The following MYO3B variants were observed in gnomAD, a reference collection of about 807,000 sequenced individuals.
MYO3B encodes myosin IIIB.
Under a neutral mutation model 174.6 loss-of-function variants are expected in MYO3B, and 156 were observed. The ratio of observed to expected loss-of-function variants is 0.89; its 90% confidence interval spans 0.78 to 1.02. MYO3B has a LOEUF of 1.02. Among genes scored for constraint, MYO3B ranks in the 50% least tolerant of loss-of-function variants. The probability of loss-of-function intolerance (pLI) is 0.00; values close to 1 mark genes in which losing one functional copy is unlikely to be tolerated. For synonymous variants in MYO3B, 563 were observed against 569.1 expected (o/e 0.99, Z 0.15); for missense variants, 1,632 against 1,639.4 (o/e 1.00, Z 0.08).
intron 23 of MYO3B, among the ~76,000 whole-genome samples, chr2:170,462,422 A>G (rs1185516486): frequency 6.6e-6 from 1 of 152,130 alleles, no homozygotes; most frequent in Non-Finnish European, 1.5e-5. Flanking sequence ...AGTCTCCCAC[A>G]TACTCCTTTA....
intron 7 of MYO3B, among the ~76,000 whole-genome samples, chr2:170,254,110 C>G (rs2105336207): frequency 6.6e-6 from 1 of 152,198 alleles, no homozygotes; most frequent in South Asian, 2.1e-4. Flanking sequence ...CGACCAGCTC[C>G]TGGTACTGAA....
intron 8 of MYO3B, chr2:170,340,535 A>G (rs1475567480): frequency 6.6e-6 from 1 of 152,248 alleles, no homozygotes; most frequent in East Asian, 1.9e-4. Flanking sequence ...GAACAAATTT[A>G]TTTAATGTAA....
chr2:170,393,031 T>C (rs2105771961), intron 16 of MYO3B, among the ~76,000 whole-genome samples: 1 of 151,980 alleles, frequency 6.6e-6, no homozygotes, highest in South Asian at 2.1e-4. Flanking sequence ...GTTATTTCCT[T>C]CTCCAGGGTA....
chr2:170,401,796 C>CTTTTTTTTTTTTTTTTTTTTTTT lies in MYO3B; in HGVS notation c.2129+110_2129+111insTTTTTTTTTTTTTTTTTTTTTTT, dbSNP rs1268110549. ...TTTGGTCCTCTCTGGGATTTTCTTT[C>CTTTTTTTTTTTTTTTTTTTTTTT]TTTTTCTTTTTTTTTTTTTTTGTGG... is the stretch of plus-strand genomic sequence containing the variant. On this transcript the variant is annotated intron_variant, in intron 18 of 34. Coordinates refer to ENST00000408978, the MANE Select transcript of MYO3B (RefSeq NM_138995.5). The CTTTTTTTTTTTTTTTTTTTTTTT allele has an allele frequency of 6.3e-6, 5 of 791,878 alleles. No homozygotes were observed. The African/African-American group carries it at 9.4e-5, about 15-fold the overall frequency. The allele number at this position is 791,878 out of a possible 1,614,324, so 49.1% of individuals were successfully genotyped here. A position where few individuals can be genotyped will look rare whatever the true frequency, so the allele number is the denominator to read the frequency against.
chr2:170,326,706 C>T (rs940659801), intron 7 of MYO3B, among the ~76,000 whole-genome samples: 10 of 152,174 alleles, frequency 6.6e-5, no homozygotes, highest in Non-Finnish European at 4.4e-5. Context: ...GGGAAAGGTA[C>T]CCCAATGTGC....
At chr2:170,266,625 T>G (rs1192525731) in intron 7 of MYO3B, among the ~76,000 whole-genome samples, 2 of 152,168 alleles carry the variant, frequency 1.3e-5, no homozygotes, top group Non-Finnish European at 2.9e-5. Context: ...GAGAAGGAAG[T>G]TCCAGGTTCT....
intron 7 of MYO3B, among the ~76,000 whole-genome samples, chr2:170,254,094 G>A (rs1477350552): frequency 6.6e-6 from 1 of 152,118 alleles, no homozygotes; most frequent in Non-Finnish European, 1.5e-5. Context: ...GAGTCACTGA[G>A]CACCACGACC....
chr2:170,651,830 C>G, intron 33 of MYO3B, 96 bp downstream of exon 33: 1 of 885,550 alleles, frequency 1.1e-6, no homozygotes, highest in South Asian at 1.4e-5. Context: ...AGCCCCACCC[C>G]CACCCTCATG....
At chr2:170,499,949 T>C (rs1398650882) in intron 27 of MYO3B, 141 bp downstream of exon 27, 2 of 661,534 alleles carry the variant, frequency 3.0e-6, no homozygotes, top group Non-Finnish European at 4.9e-6. Context: ...CTTCCTTCCT[T>C]CTTTCCTTCC....
Position 170,653,022 on chromosome 2 carries a change from ATC to A in MYO3B, c.3931_3932del (p.Leu1311ValfsTer8), listed in dbSNP as rs765615919. 1.1e-5 allele frequency: 17 copies of A among 1,614,040 alleles called. No individual in the cohort carries two copies. The highest frequency in any genetic ancestry group is 1.4e-5 in the Non-Finnish European group (17 of 1,180,046). ...VLDGEDEYYK[S>X]LSPVDCIPEE... ...TTGATGGGGAAGATGAATATTACAA[ATC>A]TCTGTCACCAGTGGACTGTATCCCT... On this transcript the variant is annotated frameshift_variant, in exon 35 of 35. Transcript: ENST00000408978. LOFTEE classifies it high-confidence loss of function.
chr2:170,382,217 T>A, intron 10 of MYO3B, 105 bp downstream of exon 10: 2 of 893,962 alleles, frequency 2.2e-6, no homozygotes, highest in Non-Finnish European at 3.6e-6. Flanking sequence ...TTTGAAAATT[T>A]AATTGTTTGT....
At chr2:170,607,355 C>T (rs1490367607) in intron 32 of MYO3B, among the ~76,000 whole-genome samples, 1 of 152,248 alleles carries the variant, frequency 6.6e-6, no homozygotes, top group Non-Finnish European at 1.5e-5. Flanking sequence ...TTGTGCTATA[C>T]TACATGGGTC....
At chr2:170,339,672 G>T (rs939016750) in intron 8 of MYO3B, among the ~76,000 whole-genome samples, 1 of 152,176 alleles carries the variant, frequency 6.6e-6, no homozygotes, top group African/African-American at 2.4e-5. Flanking sequence ...ACATCTAAAA[G>T]TCTGAAATAC....
intron 8 of MYO3B, among the ~76,000 whole-genome samples, chr2:170,355,092 G>C (rs192506156): frequency 5.7e-4 from 87 of 152,288 alleles, no homozygotes; most frequent in African/African-American, 2.1e-3. Flanking sequence ...TTTAGGCCTT[G>C]TGGTTCATTG....
intron 22 of MYO3B, among the ~76,000 whole-genome samples, chr2:170,442,675 C>G (rs1356367464): frequency 6.6e-6 from 1 of 152,074 alleles, no homozygotes; most frequent in Non-Finnish European, 1.5e-5. Flanking sequence ...CCGACAGGTC[C>G]TGGTGTGTGA....
chr2:170,645,457 A>C (rs897648808), intron 32 of MYO3B, among the ~76,000 whole-genome samples: 1 of 144,544 alleles, frequency 6.9e-6, no homozygotes, highest in Non-Finnish European at 1.5e-5. Flanking sequence ...TGACAGAGCA[A>C]GGCTCCGTCT....
intron 23 of MYO3B, among the ~76,000 whole-genome samples, chr2:170,462,893 G>T (rs981530830): frequency 8.9e-4 from 128 of 143,482 alleles, no homozygotes; most frequent in African/African-American, 3.5e-3. Context: ...TGGGAACTGT[G>T]GGTGGTAGGA....
chr2:170,413,979 G>A (rs541507738), intron 22 of MYO3B, among the ~76,000 whole-genome samples: 26 of 152,114 alleles, frequency 1.7e-4, no homozygotes, highest in African/African-American at 5.8e-4. Context: ...GGCGGAGGTT[G>A]CAGTGAGCCG....
chr2:170,573,652 G>T (rs1692601049), intron 32 of MYO3B, among the ~76,000 whole-genome samples: 1 of 152,018 alleles, frequency 6.6e-6, no homozygotes, highest in Admixed American at 6.6e-5. Context: ...AGCTCTAAGG[G>T]GAGGGAATGA....
Sources: gnomAD v4.1 joint callset for allele counts (sites outside exome capture counted in the v4.1 genomes callset) on GRCh38, gnomAD v4.1.1 for gene constraint, MANE v1.5 for transcripts, NCBI Gene and HGNC (gene_info 2026-07-23, HGNC 2026-07-21) for gene names.